Variants in C1GALT1 observed in about 807,000 individuals in gnomAD.
The protein encoded by C1GALT1 is glycoprotein-N-acetylgalactosamine 3-beta-galactosyltransferase 1.
In C1GALT1, 11 loss-of-function variants were observed where a neutral mutation model predicts 31.0. The observed-to-expected ratio is 0.36, with a 90% CI of 0.22 to 0.59. The LOEUF is 0.59. C1GALT1 is among the 20% of genes least tolerant of loss of function. The probability of loss-of-function intolerance (pLI) is 0.79; values close to 1 mark genes in which losing one functional copy is unlikely to be tolerated. For missense variants in C1GALT1, 424 were observed against 425.2 expected, an observed-to-expected ratio of 1.00 and a Z score of 0.03; for synonymous variants, 175 against 143.6, an observed-to-expected ratio of 1.22 and a Z score of -1.56.
intron 1 of C1GALT1, among the ~76,000 whole-genome samples, chr7:7,208,870 C>G (rs1406167589): frequency 2.0e-5 from 3 of 152,198 alleles, no homozygotes; most frequent in Non-Finnish European, 4.4e-5. Context: ...GAGCAAATAA[C>G]TGAAATTGAC....
intron 1 of C1GALT1, chr7:7,209,472 C>T (rs1219416292): frequency 6.6e-6 from 1 of 152,184 alleles, no homozygotes; most frequent in South Asian, 2.1e-4. Context: ...TGATAACCTG[C>T]ACCCTTGTCT....
At position 7,224,253 on chromosome 7, in the gene C1GALT1, C is replaced by G. The variant is rs1308247618; in HGVS notation, c.-17-10050C>G. On this transcript the variant is annotated intron_variant, in intron 1 of 3. Coordinates refer to ENST00000436587, the MANE Select transcript of C1GALT1 (RefSeq NM_020156.5). ...CTGTATTTCTGAGAAGGGTAGTAGT[C>G]TGTAGTTTTTTTTGGTTTTTTTTTT... Among the ~76,000 whole-genome samples the G allele has an allele frequency of 2.7e-5, 4 of 148,822 alleles. No homozygotes were observed. In the East Asian group the frequency reaches 5.8e-4, roughly 22 times the overall value.
chr7:7,225,826 G>T (rs1583814184), intron 1 of C1GALT1, among the ~76,000 whole-genome samples: 1 of 152,098 alleles, frequency 6.6e-6, no homozygotes, highest in South Asian at 2.1e-4. Flanking sequence ...GCGGTTTCTT[G>T]TTGGACCTAC....
intron 2 of C1GALT1, among the ~76,000 whole-genome samples, chr7:7,174,726 C>G (rs2128227666): frequency 1.3e-5 from 2 of 152,162 alleles, no homozygotes; most frequent in Middle Eastern, 6.8e-3. Flanking sequence ...TTGCTCAGTT[C>G]TGTTGCTGAA....
At chr7:7,186,528 C>T (rs562180649) in intron 1 of C1GALT1, among the ~76,000 whole-genome samples, 32 of 152,284 alleles carry the variant, frequency 2.1e-4, no homozygotes, top group African/African-American at 7.7e-4. Context: ...CCAAATGATT[C>T]TGATGGAGAC....
upstream of C1GALT1, among the ~76,000 whole-genome samples, chr7:7,180,578 C>T (rs2128228180): frequency 6.6e-6 from 1 of 152,274 alleles, no homozygotes. Flanking sequence ...TCTATATGTG[C>T]TTTTATTCTT....
At chr7:7,233,569 A>C (rs1204845751) in intron 1 of C1GALT1, among the ~76,000 whole-genome samples, 1 of 152,216 alleles carries the variant, frequency 6.6e-6, no homozygotes, top group Non-Finnish European at 1.5e-5. Context: ...CACTGTGCCT[A>C]GCCAGCAAAC....
intron 1 of C1GALT1, among the ~76,000 whole-genome samples, chr7:7,218,410 A>T (rs138605410): frequency 6.6e-6 from 1 of 152,204 alleles, no homozygotes; most frequent in South Asian, 2.1e-4. Context: ...TGAAGTCTCT[A>T]TGGGGTTGTT....
chr7:7,197,275 C>T (rs1781332187), intron 1 of C1GALT1, among the ~76,000 whole-genome samples: 1 of 152,164 alleles, frequency 6.6e-6, no homozygotes, highest in Admixed American at 6.5e-5. Context: ...GCCAGTTTTC[C>T]CAGCACCATT....
chr7:7,227,666 G>T (rs920067658), intron 1 of C1GALT1, among the ~76,000 whole-genome samples: 4 of 149,626 alleles, frequency 2.7e-5, no homozygotes, highest in African/African-American at 9.9e-5. Flanking sequence ...CTTGCAGTGA[G>T]CCGAGATCCC....
chr7:7,177,943 C>G (rs1240499571), upstream of C1GALT1: 1 of 198,820 alleles, frequency 5.0e-6, no homozygotes, highest in African/African-American at 2.3e-5. Context: ...AGGTGACTTA[C>G]TACAGGTCAT....
intron 1 of C1GALT1, among the ~76,000 whole-genome samples, chr7:7,193,813 G>C (rs1562564776): frequency 6.6e-6 from 1 of 152,112 alleles, no homozygotes; most frequent in African/African-American, 2.4e-5. Context: ...CATGAGCATG[G>C]AATGTGTTTC....
chr7:7,178,687 A>T (rs1780532560), upstream of C1GALT1, among the ~76,000 whole-genome samples: 1 of 152,180 alleles, frequency 6.6e-6, no homozygotes, highest in South Asian at 2.1e-4. Context: ...TAATCCTAAC[A>T]TTGTATGCTA....
intron 1 of C1GALT1, among the ~76,000 whole-genome samples, chr7:7,198,859 T>A (rs1054990564): frequency 6.6e-6 from 1 of 152,218 alleles, no homozygotes; most frequent in African/African-American, 2.4e-5. Context: ...TAGTTTGTAT[T>A]TCTGTGGGAT....
At chr7:7,210,166 G>A (rs554491774) in intron 1 of C1GALT1, among the ~76,000 whole-genome samples, 1 of 152,164 alleles carries the variant, frequency 6.6e-6, no homozygotes, top group East Asian at 1.9e-4. Flanking sequence ...TGTTGAGGTT[G>A]CAAAAAATAT....
At chr7:7,241,412 C>T (rs1474205279) in intron 3 of C1GALT1, among the ~76,000 whole-genome samples, 1 of 151,906 alleles carries the variant, frequency 6.6e-6, no homozygotes, top group Non-Finnish European at 1.5e-5. Context: ...TGTTTTGAAC[C>T]TTGTAGCTTT....
At chr7:7,225,817 C>T (rs910637921) in intron 1 of C1GALT1, among the ~76,000 whole-genome samples, 2 of 152,094 alleles carry the variant, frequency 1.3e-5, no homozygotes, top group Admixed American at 6.5e-5. Flanking sequence ...AGAGCAAAAG[C>T]GGTTTCTTGT....
chr7:7,170,686 G>A (rs1780443936), intron 2 of C1GALT1, among the ~76,000 whole-genome samples: 1 of 152,204 alleles, frequency 6.6e-6, no homozygotes, highest in Admixed American at 6.5e-5. Flanking sequence ...AGGAAGCTGA[G>A]GAAGAGAATC....
intron 2 of C1GALT1, among the ~76,000 whole-genome samples, chr7:7,165,484 T>C (rs1039879076): frequency 6.6e-6 from 1 of 152,152 alleles, no homozygotes; most frequent in Non-Finnish European, 1.5e-5. Context: ...ACAAACATCA[T>C]ATCCATGGGG....
Sources: allele counts gnomAD v4.1 joint callset (sites outside exome capture counted in the v4.1 genomes callset), GRCh38; gene constraint gnomAD v4.1.1; transcripts MANE v1.5; gene names NCBI Gene and HGNC (gene_info 2026-07-23, HGNC 2026-07-21).